Variants in CMYA5 observed in about 807,000 individuals in gnomAD.
CMYA5 encodes the protein cardiomyopathy-associated protein 5.
CMYA5 carries 246 observed loss-of-function variants against 318.9 expected under a neutral mutation model. That is an observed-to-expected ratio of 0.77 (90% CI 0.70 to 0.86). CMYA5 has a LOEUF of 0.86. Ranked by LOEUF, CMYA5 falls within the 40% of genes least tolerant of loss-of-function variation. The probability of loss-of-function intolerance (pLI) is 0.00; values close to 1 mark genes in which losing one functional copy is unlikely to be tolerated. For synonymous variants in CMYA5, 1,641 were observed against 1,729.5 expected (o/e 0.95, Z 1.27); for missense variants, 4,589 against 4,678.2 (o/e 0.98, Z 0.56).
chr5:79,747,183 C>A (rs1045831187), intron 5 of CMYA5, 70 bp downstream of exon 5: 134 of 1,450,464 alleles, frequency 9.2e-5, no homozygotes, highest in Non-Finnish European at 1.2e-4. Flanking sequence ...TATTTTGGTG[C>A]TTTATGGAAA....
rs916539683 is a variant in CMYA5, at chr5:79,768,085, G to T, written c.11555+4876G>T. Among the ~76,000 whole-genome samples the T allele has an allele frequency of 2.6e-5, 4 of 151,546 alleles. No individual in the cohort carries two copies. The East Asian group carries it at 5.8e-4, about 22-fold the overall frequency. On this transcript the variant is annotated intron_variant, in intron 9 of 12. Coordinates refer to ENST00000446378, the MANE Select transcript of CMYA5 (RefSeq NM_153610.5). ...TCTTTGTCTTTTTTGATCTTTGTTG[G>T]TTTAAAGTCTGTTTTATCAGAGACT...
chr5:79,790,962 T>A lies in CMYA5; in HGVS notation c.11690-8T>A. On this transcript the variant is annotated splice_region_variant and splice_polypyrimidine_tract_variant and intron_variant, in intron 10 of 12. Transcript: ENST00000446378. ...AATGTTTTAATACTATTTTCTCACC[T>A]GCAATAGGAACCAGATTTCTCTTGT... 6.2e-7 allele frequency: 1 copy of A among 1,602,040 alleles called. No individual in the cohort carries two copies. The highest frequency in any genetic ancestry group is 8.5e-7 in the Non-Finnish European group (1 of 1,169,682).
chr5:79,763,439 T>A, intron 9 of CMYA5: 1 of 467,388 alleles, frequency 2.1e-6, no homozygotes, highest in Non-Finnish European at 3.8e-6. Flanking sequence ...AAGAAAAATG[T>A]ATGTGAATTT....
chr5:79,762,957 A>C (rs1019298974), intron 8 of CMYA5, 105 bp from the exon 9 acceptor site: 8 of 1,320,422 alleles, frequency 6.1e-6, no homozygotes, highest in African/African-American at 1.5e-5. Context: ...CTGATGAAAA[A>C]TTGAAAACAG....
At chr5:79,769,028 C>T (rs1468747888) in intron 9 of CMYA5, among the ~76,000 whole-genome samples, 1 of 151,906 alleles carries the variant, frequency 6.6e-6, no homozygotes, top group African/African-American at 2.4e-5. Flanking sequence ...TGTCCTCATG[C>T]TTTATTTGAT....
rs78014873 is a variant in CMYA5, at chr5:79,796,208, G to A, written c.11963+2598G>A. On this transcript the variant is annotated intron_variant, in intron 12 of 12. Coordinates refer to ENST00000446378, the MANE Select transcript of CMYA5 (RefSeq NM_153610.5). Reference sequence around the variant, plus strand: ...GGCATTCAGAACCCTCCAGACCAGCGTTATGCAATAGGACCTTCTGCAATA... The same window carrying A: ...GGCATTCAGAACCCTCCAGACCAGCATTATGCAATAGGACCTTCTGCAATA... Among the ~76,000 whole-genome samples the A allele has an allele frequency of 5.1e-3, 779 of 152,294 alleles. 6 individuals carry two copies. The highest frequency in any genetic ancestry group is 0.018 in the African/African-American group (746 of 41,552).
Position 79,734,588 on chromosome 5 carries a change from A to G in CMYA5, c.5823A>G (p.Glu1941=). The part of the protein sequence containing the change: ...AAVSSKDHTC[E]VRKQVLPHSA... ...TGTCCAGTAAGGACCATACATGTGA[A>G]GTGAGAAAGCAGGTCCTGCCGCATT... The change falls in exon 2 of 13, where the codon GAA becomes GAG. Residue 1941 remains glutamate (E), a synonymous_variant. Transcript: ENST00000446378. 3.1e-6 allele frequency: 5 copies of G among 1,613,902 alleles called. No individual in the cohort carries two copies. Among genetic ancestry groups the G allele is most frequent in the Non-Finnish European group, 4.2e-6 (5 of 1,179,834 alleles).
chr5:79,697,231 G>T (rs1195621273), intron 1 of CMYA5, among the ~76,000 whole-genome samples: 3 of 152,206 alleles, frequency 2.0e-5, no homozygotes, highest in Non-Finnish European at 4.4e-5. Flanking sequence ...GACCTAGGAA[G>T]CCAAGGTAGG....
intron 8 of CMYA5, 31 bp from the exon 9 acceptor site, chr5:79,763,031 C>T: frequency 6.3e-6 from 10 of 1,597,078 alleles, no homozygotes; most frequent in Non-Finnish European, 7.7e-6. Flanking sequence ...GCTGGCATTG[C>T]TCCACGACTG....
chr5:79,787,440 C>T (rs1829100998), intron 9 of CMYA5, among the ~76,000 whole-genome samples: 2 of 152,142 alleles, frequency 1.3e-5, no homozygotes, highest in Non-Finnish European at 2.9e-5. Flanking sequence ...AATACATCTA[C>T]CCCAGAATAA....
Position 79,734,168 on chromosome 5 carries a change from G to C in CMYA5, c.5403G>C (p.Gln1801His). The C allele has an allele frequency of 6.2e-7, 1 of 1,613,756 alleles. No homozygotes were observed. Among genetic ancestry groups the C allele is most frequent in the Non-Finnish European group, 8.5e-7 (1 of 1,179,822 alleles). The change falls in exon 2 of 13, where the codon CAG (glutamine) becomes CAC (histidine). Residue 1801 changes from glutamine to histidine, a missense_variant. By Grantham distance (24) the Gln-to-His change is conservative. Around this residue, in one of 3 missense-constraint regions of CMYA5, gnomAD observed 2,132 missense variants for 2,131.3 expected, o/e 1.00. Coordinates refer to ENST00000446378, the MANE Select transcript of CMYA5 (RefSeq NM_153610.5). Reference protein sequence around the residue: ...SEETGHPNSSQVLQSITEPSK... With the variant: ...SEETGHPNSSHVLQSITEPSK... ...AAACAGGCCACCCAAATTCATCCCA[G>C]GTACTCCAGAGTATAACAGAACCAT...
intron 1 of CMYA5, among the ~76,000 whole-genome samples, chr5:79,713,298 CCCCCA>C (rs1198898639): frequency 1.8e-4 from 7 of 39,550 alleles, no homozygotes; most frequent in Admixed American, 6.3e-4. Flanking sequence ...CTGCACCCCG[CCCCCA>C]CCCCCCACCC....
In CMYA5 at chr5:79,738,846, GA is replaced by G. The variant is rs1365026261; in HGVS notation, c.10083del (p.Val3362SerfsTer10). On this transcript the variant is annotated frameshift_variant, in exon 2 of 13. Transcript: ENST00000446378. LOFTEE classifies it high-confidence loss of function. ...RADEAGSHGN[E>X]VGNASPEVNL... The stretch of plus-strand genomic sequence containing the variant: ...AGATGAAGCAGGCAGTCACGGTAAT[GA>G]AGTCGGAAATGCAAGTCCAGAGGTC... 9.9e-6 allele frequency: 16 copies of G among 1,613,800 alleles called. No individual in the cohort carries two copies. Among genetic ancestry groups the G allele is most frequent in the African/African-American group, 1.3e-5 (1 of 74,922 alleles).
At position 79,733,010 on chromosome 5, in the gene CMYA5, A is replaced by C; in HGVS notation, c.4245A>C (p.Glu1415Asp). Residue 1415 changes from glutamate to aspartate, a missense_variant, in exon 2 of 13, where the codon GAA (glutamate) becomes GAC (aspartate). This residue lies in a region of CMYA5 where 2,132 missense variants were observed against 2,131.3 expected (regional missense o/e 1.00). Coordinates refer to ENST00000446378, the MANE Select transcript of CMYA5 (RefSeq NM_153610.5). ...TSADEHSVLA[E>D]EDKVAIKGAS... ...CAGATGAACATTCAGTTCTTGCAGA[A>C]GAAGACAAGGTGGCAATTAAAGGTG... The C allele has an allele frequency of 6.2e-7, 1 of 1,613,458 alleles. No homozygotes were observed. The highest frequency in any genetic ancestry group is 8.5e-7 in the Non-Finnish European group (1 of 1,179,676).
At chr5:79,794,618 C>T (rs1829243647) in intron 12 of CMYA5, among the ~76,000 whole-genome samples, 1 of 152,186 alleles carries the variant, frequency 6.6e-6, no homozygotes, top group Admixed American at 6.5e-5. Context: ...CCTTGTGGGG[C>T]TGTGAGGATC....
rs771138365 is a variant in CMYA5, at chr5:79,729,841, A to G, written c.1076A>G (p.His359Arg). The G allele has an allele frequency of 1.2e-6, 2 of 1,612,824 alleles. No homozygotes were observed. Among genetic ancestry groups the G allele is most frequent in the African/African-American group, 1.3e-5 (1 of 74,932 alleles). ...GCAGAACAAGGAATACAGCTCAGGC[A>G]TTCACAGTCAGTGCCACAACAGCCA... ...GRAEQGIQLR[H>R]SQSVPQQPED... Residue 359 changes from histidine to arginine, a missense_variant, in exon 2 of 13, where the codon CAT becomes CGT. By Grantham distance (29) the His-to-Arg change is conservative. This residue lies in a region of CMYA5 where 2,132 missense variants were observed against 2,131.3 expected (regional missense o/e 1.00). Transcript: ENST00000446378.
chr5:79,770,400 G>A (rs1043231700), intron 9 of CMYA5, among the ~76,000 whole-genome samples: 8 of 66,106 alleles, frequency 1.2e-4, no homozygotes, highest in East Asian at 4.6e-4. Context: ...ATGGCTGCCC[G>A]GTTTTGTGCT....
chr5:79,708,090 A>G (rs929236020), intron 1 of CMYA5, among the ~76,000 whole-genome samples: 2 of 152,232 alleles, frequency 1.3e-5, no homozygotes, highest in Admixed American at 6.5e-5. Context: ...ATTAGTGATT[A>G]TGTTTCAATA....
chr5:79,799,716 G>A lies in CMYA5; in HGVS notation c.*100G>A, dbSNP rs192706184. On this transcript the variant is annotated 3_prime_UTR_variant, in exon 13 of 13. Transcript: ENST00000446378. Reference sequence around the variant, plus strand: ...ATACATTATTCAAAAAGTCTCCCGCGCATTTGCACTAATGATGGCTGCATG... The same window carrying A: ...ATACATTATTCAAAAAGTCTCCCGCACATTTGCACTAATGATGGCTGCATG... The A allele has an allele frequency of 3.5e-4, 494 of 1,427,258 alleles. 1 individual carries two copies. The highest frequency in any genetic ancestry group is 2.3e-3 in the Middle Eastern group (10 of 4,444). 88.4% of individuals were successfully genotyped at this position (1,427,258 alleles called of 1,614,324 possible).
Sources: gnomAD v4.1 joint callset for allele counts (sites outside exome capture counted in the v4.1 genomes callset) on GRCh38, gnomAD v4.1.1 for gene constraint, gnomAD v4.1.1 regional missense constraint, MANE v1.5 for transcripts, NCBI Gene and HGNC (gene_info 2026-07-23, HGNC 2026-07-21) for gene names.